PACRG: variants seen among roughly 807,000 people sequenced by gnomAD.
PACRG encodes parkin coregulated gene protein.
Under a neutral mutation model 29.7 loss-of-function variants are expected in PACRG, and 29 were observed. The observed-to-expected ratio is 0.98, with a 90% CI of 0.73 to 1.33. The LOEUF (loss-of-function observed/expected upper bound fraction) is 1.33. Among genes scored for constraint, PACRG ranks in the 40% most tolerant of loss-of-function variants. PACRG has a pLI of 0.00. For synonymous variants in PACRG, 116 were observed against 118.7 expected (o/e 0.98, Z 0.15); for missense variants, 279 against 316.2 (o/e 0.88, Z 0.89).
At chr6:163,279,124 T>A (rs1784147196) in intron 4 of PACRG, among the ~76,000 whole-genome samples, 1 of 152,238 alleles carries the variant, frequency 6.6e-6, no homozygotes, top group Non-Finnish European at 1.5e-5. Context: ...AGTTCCCGAT[T>A]TGATTCTCAG....
chr6:162,875,234 TGCACAGACATTCAC>T (rs1397230012), intron 2 of PACRG, among the ~76,000 whole-genome samples: 1 of 147,700 alleles, frequency 6.8e-6, no homozygotes. Flanking sequence ...CACACAGACA[TGCACAGACATTCAC>T]ACACAGACAT....
intron 2 of PACRG, among the ~76,000 whole-genome samples, chr6:162,981,551 A>AT (rs1354104483): frequency 2.0e-5 from 3 of 150,888 alleles, no homozygotes; most frequent in East Asian, 1.9e-4. Flanking sequence ...GAATTTTAGG[A>AT]TTTTTTTTCT....
chr6:163,032,426 T>A (rs1807756199), intron 2 of PACRG, among the ~76,000 whole-genome samples: 1 of 152,194 alleles, frequency 6.6e-6, no homozygotes, highest in African/African-American at 2.4e-5. Context: ...TATAGCTGAT[T>A]ACAAACCACC....
At chr6:162,964,522 A>G (rs770296371) in intron 2 of PACRG, among the ~76,000 whole-genome samples, 1 of 152,200 alleles carries the variant, frequency 6.6e-6, no homozygotes, top group Non-Finnish European at 1.5e-5. Context: ...GATATGGCCT[A>G]TGAAGGCTGG....
At chr6:162,861,912 G>C (rs1291556463) in intron 2 of PACRG, among the ~76,000 whole-genome samples, 2 of 152,112 alleles carry the variant, frequency 1.3e-5, no homozygotes, top group Non-Finnish European at 2.9e-5. Flanking sequence ...TGGGATTTCT[G>C]TATCTGCTAC....
At chr6:162,997,347 T>A (rs544755798) in intron 2 of PACRG, 3 of 430,718 alleles carry the variant, frequency 7.0e-6, no homozygotes, top group Non-Finnish European at 1.4e-5. Context: ...TATGGTTTAT[T>A]TGCTTATATT....
intron 2 of PACRG, among the ~76,000 whole-genome samples, chr6:162,891,313 G>A (rs1052831201): frequency 6.6e-6 from 1 of 152,166 alleles, no homozygotes; most frequent in African/African-American, 2.4e-5. Flanking sequence ...GGGAAGTTGA[G>A]GCACTAAGTA....
chr6:162,950,371 G>T (rs539489497), intron 2 of PACRG, among the ~76,000 whole-genome samples: 3 of 152,130 alleles, frequency 2.0e-5, no homozygotes, highest in African/African-American at 7.2e-5. Context: ...AGCCGGGCGT[G>T]GTGGCGAGCG....
intron 1 of PACRG, among the ~76,000 whole-genome samples, chr6:162,803,283 G>A (rs1786034632): frequency 6.6e-6 from 1 of 152,168 alleles, no homozygotes. Flanking sequence ...GGAGACCAAG[G>A]AGGAGCAGGA....
chr6:163,081,849 T>TA lies in PACRG; in HGVS notation c.464-7403dup, dbSNP rs376521271. 4.8e-3 allele frequency among the ~76,000 whole-genome samples: 736 copies of TA among 152,206 alleles called. 6 individuals are homozygous for TA. Among genetic ancestry groups the TA allele is most frequent in the African/African-American group, 0.017 (701 of 41,512 alleles). On this transcript the variant is annotated intron_variant, in intron 3 of 4. Coordinates refer to ENST00000366888, the MANE Select transcript of PACRG (RefSeq NM_001080379.2). ...AAGGTATTAAAATACATAAGAATGATAAAAAAACTAACATGCCTGCTCTCA... is the reference window on the plus strand; with the variant it reads ...AAGGTATTAAAATACATAAGAATGATAAAAAAAACTAACATGCCTGCTCTCA...
chr6:162,973,300 A>T (rs771311619), intron 2 of PACRG, among the ~76,000 whole-genome samples: 1 of 152,220 alleles, frequency 6.6e-6, no homozygotes, highest in Non-Finnish European at 1.5e-5. Context: ...GGTTTGCCCT[A>T]ACCAGTTCAC....
intron 2 of PACRG, among the ~76,000 whole-genome samples, chr6:162,949,812 G>A (rs1198433398): frequency 6.6e-6 from 1 of 152,064 alleles, no homozygotes; most frequent in Non-Finnish European, 1.5e-5. Context: ...CTCTGAAGAG[G>A]GCTGAACTGG....
At chr6:163,037,779 C>T (rs1394543732) in intron 2 of PACRG, among the ~76,000 whole-genome samples, 1 of 152,184 alleles carries the variant, frequency 6.6e-6, no homozygotes, top group Non-Finnish European at 1.5e-5. Flanking sequence ...AGGGGAGGGT[C>T]TGGGACTGTA....
At chr6:163,037,793 C>A (rs1398008143) in intron 2 of PACRG, among the ~76,000 whole-genome samples, 2 of 152,206 alleles carry the variant, frequency 1.3e-5, no homozygotes, top group East Asian at 3.9e-4. Context: ...GACTGTACTG[C>A]TGGCCGCTTG....
At chr6:162,770,066 C>T (rs971734971) in intron 1 of PACRG, among the ~76,000 whole-genome samples, 3 of 152,164 alleles carry the variant, frequency 2.0e-5, no homozygotes, top group Admixed American at 1.3e-4. Context: ...CAAGGCAAAC[C>T]AATTAATGCC....
intron 1 of PACRG, among the ~76,000 whole-genome samples, chr6:162,773,937 A>C (rs1313139890): frequency 6.6e-6 from 1 of 152,134 alleles, no homozygotes; most frequent in Non-Finnish European, 1.5e-5. Flanking sequence ...CTCTGCTTTT[A>C]AAAAAATGAA....
intron 4 of PACRG, chr6:163,191,493 G>A (rs1780212021): frequency 8.1e-6 from 3 of 368,652 alleles, no homozygotes; most frequent in Non-Finnish European, 1.6e-5. Context: ...CAGCCTCTCT[G>A]TGACCTAAGC....
At chr6:163,131,968 G>A (rs1816758702) in intron 4 of PACRG, among the ~76,000 whole-genome samples, 1 of 152,058 alleles carries the variant, frequency 6.6e-6, no homozygotes, top group African/African-American at 2.4e-5. Flanking sequence ...AAGTAACATG[G>A]CTCATCTTCA....
chr6:163,082,990 G>A (rs970953618), intron 3 of PACRG, among the ~76,000 whole-genome samples: 1 of 152,046 alleles, frequency 6.6e-6, no homozygotes, highest in African/African-American at 2.4e-5. Flanking sequence ...TAGGTTTATT[G>A]CCAAACTGCT....
Sources: gnomAD v4.1 joint callset for allele counts (sites outside exome capture counted in the v4.1 genomes callset) on GRCh38, gnomAD v4.1.1 for gene constraint, MANE v1.5 for transcripts, NCBI Gene and HGNC (gene_info 2026-07-23, HGNC 2026-07-21) for gene names.